The following KCNH1 variants were observed in gnomAD, a reference collection of about 807,000 sequenced individuals.
The protein encoded by KCNH1 is potassium voltage-gated channel subfamily H member 1, also known as voltage-gated delayed rectifier potassium channel KCNH1.
In KCNH1, 27 loss-of-function variants were observed where a neutral mutation model predicts 69.2. The ratio of observed to expected loss-of-function variants is 0.39; its 90% CI spans 0.29 to 0.54. The LOEUF is 0.54. Among genes scored for constraint, KCNH1 ranks in the 20% least tolerant of loss-of-function variants. The probability of loss-of-function intolerance (pLI) is 0.68; values close to 1 mark genes in which losing one functional copy is unlikely to be tolerated. For missense variants in KCNH1, 798 were observed against 1,261.6 expected, an observed-to-expected ratio of 0.63 and a Z score of 5.57; for synonymous variants, 456 against 487.7, an observed-to-expected ratio of 0.93 and a Z score of 0.86.
intron 6 of KCNH1, among the ~76,000 whole-genome samples, chr1:211,005,599 G>A (rs1010752975): frequency 2.0e-5 from 3 of 152,038 alleles, no homozygotes; most frequent in Non-Finnish European, 4.4e-5. Flanking sequence ...TAGCATACAC[G>A]ATAATCAGTC....
intron 10 of KCNH1, among the ~76,000 whole-genome samples, chr1:210,769,682 C>T (rs762216342): frequency 7.2e-5 from 11 of 152,226 alleles, no homozygotes; most frequent in Admixed American, 1.3e-4. Flanking sequence ...AATTGCTTGT[C>T]TGCAGTACAT....
At chr1:211,006,167 C>A (rs1344415614) in intron 6 of KCNH1, among the ~76,000 whole-genome samples, 1 of 152,138 alleles carries the variant, frequency 6.6e-6, no homozygotes, top group African/African-American at 2.4e-5. Flanking sequence ...GCACTCAATG[C>A]AACCACTTTG....
At chr1:210,863,517 A>G (rs1686026343) in intron 7 of KCNH1, among the ~76,000 whole-genome samples, 1 of 152,216 alleles carries the variant, frequency 6.6e-6, no homozygotes, top group Non-Finnish European at 1.5e-5. Flanking sequence ...GCTGGTGACC[A>G]GCTTAGTTAA....
At chr1:210,747,006 C>T (rs1683176610) in intron 10 of KCNH1, among the ~76,000 whole-genome samples, 1 of 152,218 alleles carries the variant, frequency 6.6e-6, no homozygotes, top group South Asian at 2.1e-4. Context: ...CAGAGTAGAC[C>T]GTTCATTACC....
At chr1:210,844,019 C>T (rs775630293) in intron 7 of KCNH1, among the ~76,000 whole-genome samples, 1 of 152,156 alleles carries the variant, frequency 6.6e-6, no homozygotes, top group Non-Finnish European at 1.5e-5. Flanking sequence ...AGAAGGACTT[C>T]TGTCATGGCC....
At chr1:211,016,175 C>A in intron 6 of KCNH1, among the ~76,000 whole-genome samples, 1 of 152,110 alleles carries the variant, frequency 6.6e-6, no homozygotes, top group East Asian at 1.9e-4. Flanking sequence ...GAGTTCCAAC[C>A]CAACATATAC....
chr1:210,966,543 C>G (rs1237310095), intron 6 of KCNH1, among the ~76,000 whole-genome samples: 1 of 151,954 alleles, frequency 6.6e-6, no homozygotes, highest in Non-Finnish European at 1.5e-5. Flanking sequence ...AAAAAGCCAT[C>G]AAAAAGTGGG....
At chr1:210,890,365 C>G (rs1298524080) in intron 7 of KCNH1, among the ~76,000 whole-genome samples, 1 of 152,162 alleles carries the variant, frequency 6.6e-6, no homozygotes, top group African/African-American at 2.4e-5. Context: ...AACTGGACCC[C>G]TTCCTTACAC....
At chr1:211,083,314 C>T (rs1690890635) in intron 4 of KCNH1, among the ~76,000 whole-genome samples, 1 of 152,204 alleles carries the variant, frequency 6.6e-6, no homozygotes, top group Non-Finnish European at 1.5e-5. Flanking sequence ...AGTCCCCAGG[C>T]TATCTGATCT....
At chr1:210,716,399 T>C (rs1409368681) in intron 10 of KCNH1, among the ~76,000 whole-genome samples, 3 of 133,250 alleles carry the variant, frequency 2.3e-5, no homozygotes, top group African/African-American at 6.0e-5. Context: ...GCCACTGCAC[T>C]ATAGCCTGGG....
At chr1:210,745,118 C>T (rs974218624) in intron 10 of KCNH1, among the ~76,000 whole-genome samples, 11 of 152,210 alleles carry the variant, frequency 7.2e-5, no homozygotes, top group African/African-American at 1.7e-4. Flanking sequence ...ACACAAGAAT[C>T]GCTTGAACGT....
chr1:210,752,387 C>T (rs972706562), intron 10 of KCNH1, among the ~76,000 whole-genome samples: 7 of 152,148 alleles, frequency 4.6e-5, no homozygotes, highest in East Asian at 3.9e-4. Context: ...TCCTGATGTC[C>T]GCTGTGCTTT....
At chr1:211,116,576 T>C (rs1691587038) in intron 1 of KCNH1, among the ~76,000 whole-genome samples, 1 of 152,172 alleles carries the variant, frequency 6.6e-6, no homozygotes, top group Non-Finnish European at 1.5e-5. Context: ...TTGTCCCCCT[T>C]TTCATCCCCA....
chr1:210,947,960 A>C (rs1439581060), intron 6 of KCNH1, among the ~76,000 whole-genome samples: 4 of 151,330 alleles, frequency 2.6e-5, no homozygotes, highest in Non-Finnish European at 5.9e-5. Flanking sequence ...TAACCCCAGC[A>C]CTTTGGGGTA....
chr1:210,809,087 C>T (rs147910987), intron 7 of KCNH1, among the ~76,000 whole-genome samples: 3 of 151,232 alleles, frequency 2.0e-5, no homozygotes, highest in Non-Finnish European at 2.9e-5. Context: ...TATATCACAG[C>T]GATTCCTACC....
At chr1:211,098,606 C>T (rs1339068234) in intron 3 of KCNH1, among the ~76,000 whole-genome samples, 1 of 152,030 alleles carries the variant, frequency 6.6e-6, no homozygotes. Flanking sequence ...TCCTTACAAA[C>T]CCTACAGAAT....
intron 5 of KCNH1, among the ~76,000 whole-genome samples, chr1:211,065,852 G>A (rs1690519842): frequency 1.3e-5 from 2 of 152,044 alleles, no homozygotes; most frequent in South Asian, 4.1e-4. Flanking sequence ...TTGAGCCCAG[G>A]AGTTTGAGAC....
intron 7 of KCNH1, among the ~76,000 whole-genome samples, chr1:210,866,406 C>G (rs1473560328): frequency 1.3e-5 from 2 of 151,942 alleles, no homozygotes; most frequent in Non-Finnish European, 2.9e-5. Flanking sequence ...TTACAAAAAA[C>G]TCATAACTCA....
intron 7 of KCNH1, chr1:210,859,832 A>G (rs1685937533): frequency 9.1e-7 from 1 of 1,096,154 alleles, no homozygotes; most frequent in African/African-American, 1.5e-5. Context: ...AGCCACTAAT[A>G]AAATGATTTG....
Sources: gnomAD v4.1 joint callset for allele counts (sites outside exome capture counted in the v4.1 genomes callset) on GRCh38, gnomAD v4.1.1 for gene constraint, MANE v1.5 for transcripts, NCBI Gene and HGNC (gene_info 2026-07-23, HGNC 2026-07-21) for gene names.